The following CCDC171 variants were observed in gnomAD, a reference collection of about 807,000 sequenced individuals.
CCDC171 encodes the protein coiled-coil domain-containing protein 171.
In CCDC171, 177 loss-of-function variants were observed where a neutral mutation model predicts 168.2. The observed-to-expected ratio is 1.05, with a 90% CI of 0.93 to 1.19. The LOEUF is 1.19. CCDC171 is among the 50% of genes most tolerant of loss of function. CCDC171 has a pLI of 0.00. For missense variants in CCDC171, 1,991 were observed against 1,539.0 expected (o/e 1.29, Z -4.91); for synonymous variants, 687 against 540.8 (o/e 1.27, Z -3.75).
chr9:15,629,457 C>G (rs4741522), intron 7 of CCDC171, among the ~76,000 whole-genome samples: 81,847 of 151,848 alleles, frequency 0.54, 22,320 homozygotes, highest in East Asian at 0.77. Flanking sequence ...TGAAATGAAG[C>G]AAGAAGGGAA....
intron 24 of CCDC171, among the ~76,000 whole-genome samples, chr9:15,882,060 T>C (rs1347082666): frequency 6.6e-6 from 1 of 152,194 alleles, no homozygotes; most frequent in African/African-American, 2.4e-5. Context: ...TTCTCCCTAA[T>C]AGTGTGCGAG....
intron 20 of CCDC171, among the ~76,000 whole-genome samples, chr9:15,779,783 A>G (rs544417366): frequency 2.6e-5 from 4 of 152,362 alleles, no homozygotes; most frequent in Non-Finnish European, 5.9e-5. Context: ...ATTATTTTAA[A>G]AAGCAGAAAA....
At chr9:15,701,374 G>T (rs528620458) in intron 11 of CCDC171, among the ~76,000 whole-genome samples, 36 of 152,176 alleles carry the variant, frequency 2.4e-4, no homozygotes, top group African/African-American at 8.4e-4. Flanking sequence ...GTAGTTTCAG[G>T]TCTTATGTTT....
At chr9:15,908,362 G>A (rs1007518150) in intron 24 of CCDC171, among the ~76,000 whole-genome samples, 2 of 152,188 alleles carry the variant, frequency 1.3e-5, no homozygotes, top group African/African-American at 4.8e-5. Flanking sequence ...GTAGGGACAT[G>A]GATGTAGCTG....
At chr9:15,754,356 A>G (rs1357979759) in intron 18 of CCDC171, among the ~76,000 whole-genome samples, 2 of 152,146 alleles carry the variant, frequency 1.3e-5, no homozygotes, top group Admixed American at 6.5e-5. Flanking sequence ...TTCTTTGCCT[A>G]TAAATGAAGA....
At chr9:15,575,241 C>G (rs917824012) in intron 3 of CCDC171, among the ~76,000 whole-genome samples, 1 of 143,982 alleles carries the variant, frequency 6.9e-6, no homozygotes, top group African/African-American at 2.6e-5. Flanking sequence ...TCTTGGCTCA[C>G]TGCAGCCTGG....
intron 25 of CCDC171, among the ~76,000 whole-genome samples, chr9:15,955,030 A>T (rs1829645662): frequency 6.6e-6 from 1 of 152,024 alleles, no homozygotes; most frequent in Non-Finnish European, 1.5e-5. Flanking sequence ...TTGAAAACTG[A>T]ACATTTGAAT....
At chr9:15,777,218 A>T (rs2057374003) in intron 18 of CCDC171, among the ~76,000 whole-genome samples, 1 of 152,252 alleles carries the variant, frequency 6.6e-6, no homozygotes, top group Non-Finnish European at 1.5e-5. Flanking sequence ...GGAATAAGGC[A>T]AATTATATTT....
intron 3 of CCDC171, among the ~76,000 whole-genome samples, chr9:15,982,537 C>G (rs1589294643): frequency 6.6e-6 from 1 of 152,146 alleles, no homozygotes; most frequent in South Asian, 2.1e-4. Context: ...AGGGATAATT[C>G]ATGGAACCTG....
At chr9:15,826,861 G>C (rs1298802660) in intron 21 of CCDC171, among the ~76,000 whole-genome samples, 2 of 152,158 alleles carry the variant, frequency 1.3e-5, no homozygotes, top group African/African-American at 4.8e-5. Flanking sequence ...TTATGTTTTA[G>C]ATTAATTTGT....
intron 18 of CCDC171, among the ~76,000 whole-genome samples, chr9:15,768,788 A>G (rs773640437): frequency 8.5e-4 from 129 of 152,314 alleles, no homozygotes; most frequent in Non-Finnish European, 1.5e-3. Flanking sequence ...TATAATAATG[A>G]TATCATTTCA....
intron 24 of CCDC171, among the ~76,000 whole-genome samples, chr9:15,908,229 A>G (rs1484745365): frequency 6.6e-6 from 1 of 152,198 alleles, no homozygotes; most frequent in Non-Finnish European, 1.5e-5. Flanking sequence ...GGCACTATTC[A>G]CGATAGCAAA....
At chr9:15,812,196 C>T (rs2059385260) in intron 21 of CCDC171, among the ~76,000 whole-genome samples, 1 of 152,144 alleles carries the variant, frequency 6.6e-6, no homozygotes, top group Non-Finnish European at 1.5e-5. Flanking sequence ...GACTCAGCTC[C>T]ATGGCAAAGA....
At chr9:15,699,900 C>T (rs963152242) in intron 11 of CCDC171, among the ~76,000 whole-genome samples, 2 of 151,912 alleles carry the variant, frequency 1.3e-5, no homozygotes, top group Non-Finnish European at 2.9e-5. Flanking sequence ...TACAGAGTGC[C>T]GATTGGTGTA....
At chr9:15,734,441 G>C (rs1032495332) in intron 16 of CCDC171, among the ~76,000 whole-genome samples, 3 of 152,178 alleles carry the variant, frequency 2.0e-5, no homozygotes, top group Admixed American at 1.3e-4. Context: ...GGGAGGCTGA[G>C]GCAGGAGAAT....
intron 2 of CCDC171, among the ~76,000 whole-genome samples, chr9:15,570,590 T>C (rs2040146685): frequency 6.6e-6 from 1 of 152,142 alleles, no homozygotes; most frequent in Non-Finnish European, 1.5e-5. Context: ...AGACTTTGTG[T>C]TTGTGGCATG....
chr9:15,851,679 T>C (rs76699412), intron 23 of CCDC171, among the ~76,000 whole-genome samples: 3,695 of 151,996 alleles, frequency 0.024, 161 homozygotes, highest in African/African-American at 0.084. Context: ...CAACTAATTC[T>C]GGAACATTTA....
chr9:16,046,545 C>G (rs963496046), intron 1 of CCDC171, among the ~76,000 whole-genome samples: 3 of 152,064 alleles, frequency 2.0e-5, no homozygotes, highest in Admixed American at 1.3e-4. Context: ...GATCTGTGTC[C>G]CCACCCAAAT....
At chr9:15,639,801 A>G (rs1270369256) in intron 7 of CCDC171, among the ~76,000 whole-genome samples, 1 of 152,186 alleles carries the variant, frequency 6.6e-6, no homozygotes, top group Non-Finnish European at 1.5e-5. Flanking sequence ...CTGTTTATGT[A>G]AAATAATCTA....
Sources: allele counts gnomAD v4.1 joint callset (sites outside exome capture counted in the v4.1 genomes callset), GRCh38; gene constraint gnomAD v4.1.1; transcripts MANE v1.5; gene names NCBI Gene and HGNC (gene_info 2026-07-23, HGNC 2026-07-21).